RPGRIP1L: variants seen among roughly 807,000 people sequenced by gnomAD.
The protein encoded by RPGRIP1L is RPGRIP1 like, also known as protein fantom.
A neutral mutation model predicts 160.4 loss-of-function variants in RPGRIP1L; 131 were observed. The observed-to-expected ratio is 0.82, with a 90% confidence interval of 0.71 to 0.94. The LOEUF is 0.94. Ranked by LOEUF, RPGRIP1L falls within the 40% of genes least tolerant of loss-of-function variation. The probability of loss-of-function intolerance (pLI) is 0.00; values close to 1 mark genes in which losing one functional copy is unlikely to be tolerated. For missense variants in RPGRIP1L, 1,522 were observed against 1,535.8 expected, an observed-to-expected ratio of 0.99 and a Z score of 0.15; for synonymous variants, 510 against 515.8, an observed-to-expected ratio of 0.99 and a Z score of 0.15.
chr16:53,662,145 T>A (rs1411459711), intron 10 of RPGRIP1L, among the ~76,000 whole-genome samples: 3 of 152,148 alleles, frequency 2.0e-5, no homozygotes, highest in Non-Finnish European at 4.4e-5. Flanking sequence ...TTCACTCTTT[T>A]AAAATTATGT....
At chr16:53,691,934 A>T (rs1411594968) in intron 4 of RPGRIP1L, 132 bp downstream of exon 4, 2 of 832,892 alleles carry the variant, frequency 2.4e-6, no homozygotes, top group Non-Finnish European at 3.9e-6. Flanking sequence ...ATTTTATCAA[A>T]GTAAAAAATT....
chr16:53,612,882 C>T (rs189471902), intron 24 of RPGRIP1L, among the ~76,000 whole-genome samples: 23 of 152,328 alleles, frequency 1.5e-4, no homozygotes, highest in Admixed American at 1.2e-3. Flanking sequence ...AACTGAAACT[C>T]CATACTCATT....
chr16:53,641,458 C>T lies in RPGRIP1L; in HGVS notation c.2701G>A (p.Asp901Asn), dbSNP rs1966218142. 2 of 1,613,476 alleles carry T rather than the reference C, an allele frequency of 1.2e-6. No homozygotes were observed. Among genetic ancestry groups the T allele is most frequent in the Non-Finnish European group, 1.7e-6 (2 of 1,179,560 alleles). The change falls in exon 18 of 27, where the codon GAC becomes AAC. Residue 901 changes from aspartate to asparagine, a missense_variant. Asp to Asn is a conservative substitution (Grantham distance 23, BLOSUM62 1). Coordinates refer to ENST00000647211, the MANE Select transcript of RPGRIP1L (RefSeq NM_015272.5). ...GTGCCAGCAGGATGCTTTTGATGGT[C>T]TGTTAACTCAAATATTCCTGTCAAA... Reference protein sequence around the residue: ...RCISGIFELTDHQKHPAGTIH... With the variant: ...RCISGIFELTNHQKHPAGTIH...
intron 22 of RPGRIP1L, among the ~76,000 whole-genome samples, chr16:53,635,260 G>A (rs1188508901): frequency 1.3e-5 from 2 of 152,086 alleles, no homozygotes; most frequent in Non-Finnish European, 2.9e-5. Context: ...ACATACACAT[G>A]GTTCTATTGC....
At chr16:53,621,509 C>A (rs558292275) in intron 23 of RPGRIP1L, among the ~76,000 whole-genome samples, 1 of 149,530 alleles carries the variant, frequency 6.7e-6, no homozygotes, top group South Asian at 2.1e-4. Context: ...CTGACCAATA[C>A]ACCTGGCAGA....
intron 22 of RPGRIP1L, among the ~76,000 whole-genome samples, chr16:53,625,569 G>A (rs1333243403): frequency 2.7e-5 from 4 of 148,196 alleles, no homozygotes; most frequent in African/African-American, 1.0e-4. Flanking sequence ...GGGGTGGGGG[G>A]GCCCCTCTGC....
chr16:53,638,295 A>T lies in RPGRIP1L; in HGVS notation c.3060+15T>A. ...AAATTAAACCTTCCAAAATAATTTT[A>T]ACACAAATGCATACCTTGGGAACAT... On this transcript the variant is annotated intron_variant, in intron 20 of 26. Coordinates refer to ENST00000647211, the MANE Select transcript of RPGRIP1L (RefSeq NM_015272.5). 1.4e-6 allele frequency: 2 copies of T among 1,415,516 alleles called. No homozygotes were observed. The highest frequency in any genetic ancestry group is 2.0e-6 in the Non-Finnish European group (2 of 999,960). 87.7% of individuals were successfully genotyped at this position (1,415,516 alleles called of 1,614,324 possible).
In RPGRIP1L at chr16:53,605,313, G is replaced by A. The variant is rs565231125; in HGVS notation, c.3835+168C>T. 6 of 713,770 alleles carry A rather than the reference G, an allele frequency of 8.4e-6. No homozygotes were observed. The African/African-American group carries it at 1.0e-4, about 12-fold the overall frequency. 44.2% of individuals were successfully genotyped at this position (713,770 alleles called of 1,614,324 possible). On this transcript the variant is annotated intron_variant, in intron 26 of 26. Transcript: ENST00000647211. ...GAAAGCAGGGGGGAGGACAGGAAAA[G>A]GATATAGGAAGACGCTTCAGCTTCA...
At position 53,649,119 on chromosome 16, in the gene RPGRIP1L, C is replaced by A; in HGVS notation, c.2153-4G>T. 1 of 1,613,250 alleles carries A rather than the reference C, an allele frequency of 6.2e-7. No homozygotes were observed. ...TTTGGGATGTCTCCTTTTGTTCCTA[C>A]AAATCAGTACATAACCCAAGGTTAA... On this transcript the variant is annotated splice_polypyrimidine_tract_variant and splice_region_variant and intron_variant, in intron 15 of 26. Transcript: ENST00000647211.
rs1049813969 is a variant in RPGRIP1L at position 53,599,268 on chromosome 16, T to C, written c.*2808A>G. 4.4e-4 allele frequency: 67 copies of C among 152,216 alleles called. 2 individuals are homozygous for C. The highest frequency in any genetic ancestry group is 3.7e-4 in the Non-Finnish European group (25 of 68,040). 9.4% of individuals were successfully genotyped at this position (152,216 alleles called of 1,614,324 possible). A position where few individuals can be genotyped will look rare whatever the true frequency, so the allele number is the denominator to read the frequency against. On this transcript the variant is annotated 3_prime_UTR_variant, in exon 27 of 27. Transcript: ENST00000647211. ...TGGCCTTTCTTTATTTGATTAAACA[T>C]ATTCTTTATGTATTTTTAAAAAAAC...
At chr16:53,626,268 A>G (rs79043263) in intron 22 of RPGRIP1L, among the ~76,000 whole-genome samples, 2,791 of 152,262 alleles carry the variant, frequency 0.018, 39 homozygotes, top group Non-Finnish European at 0.026. Flanking sequence ...TAAAGAGATG[A>G]ATAATAATTG....
At chr16:53,620,069 T>G (rs1964612071) in intron 23 of RPGRIP1L, among the ~76,000 whole-genome samples, 1 of 152,174 alleles carries the variant, frequency 6.6e-6, no homozygotes, top group Admixed American at 6.5e-5. Flanking sequence ...TTTACTAAAT[T>G]CAGAGACATG....
At chr16:53,685,965 C>T (rs1409295415) in intron 6 of RPGRIP1L, among the ~76,000 whole-genome samples, 1 of 152,212 alleles carries the variant, frequency 6.6e-6, no homozygotes, top group Non-Finnish European at 1.5e-5. Context: ...TCACAGCCAA[C>T]AGATTGCAAT....
At chr16:53,692,483 G>A in intron 3 of RPGRIP1L, 119 bp from the exon 4 acceptor site, 2 of 963,678 alleles carry the variant, frequency 2.1e-6, no homozygotes, top group Non-Finnish European at 3.3e-6. Context: ...TAAATTTCAG[G>A]TTTTGATGTA....
In RPGRIP1L at chr16:53,686,722, A is replaced by G. The variant is rs536066401; in HGVS notation, c.633-146T>C. On this transcript the variant is annotated intron_variant, in intron 5 of 26. Transcript: ENST00000647211. ...GTGCCTCTGCACACAGTGAAATAGTAGCAGATTAAATGTGATGACTTGGAA... is the reference window on the plus strand; with the variant it reads ...GTGCCTCTGCACACAGTGAAATAGTGGCAGATTAAATGTGATGACTTGGAA... 95 of 708,632 alleles carry G rather than the reference A, an allele frequency of 1.3e-4. 2 individuals carry two copies. In the East Asian group the frequency reaches 2.5e-3, roughly 18 times the overall value. 43.9% of individuals were successfully genotyped at this position (708,632 alleles called of 1,614,324 possible). A position where few individuals can be genotyped will look rare whatever the true frequency, so the allele number is the denominator to read the frequency against.
chr16:53,613,194 T>C (rs763293560), intron 24 of RPGRIP1L, among the ~76,000 whole-genome samples: 2 of 152,394 alleles, frequency 1.3e-5, no homozygotes, highest in South Asian at 4.1e-4. Flanking sequence ...TTGACTATTA[T>C]GGATAATGCT....
At chr16:53,675,151 G>C (rs751043948) in intron 6 of RPGRIP1L, 29 bp from the exon 7 acceptor site, 9 of 1,518,424 alleles carry the variant, frequency 5.9e-6, no homozygotes, top group African/African-American at 1.4e-5. Context: ...GAAAAAGAGA[G>C]ACAGAAGTAA....
At chr16:53,676,117 C>T (rs1169264873) in intron 6 of RPGRIP1L, among the ~76,000 whole-genome samples, 1 of 152,034 alleles carries the variant, frequency 6.6e-6, no homozygotes, top group African/African-American at 2.4e-5. Context: ...AAATGGACTA[C>T]AAAGCTCACA....
chr16:53,696,978 G>A (rs7203804), intron 2 of RPGRIP1L, among the ~76,000 whole-genome samples: 9,706 of 152,172 alleles, frequency 0.064, 884 homozygotes, highest in African/African-American at 0.2. Flanking sequence ...TGGATCACCT[G>A]AGGTCGGGAG....
Sources: gnomAD v4.1 joint callset for allele counts (sites outside exome capture counted in the v4.1 genomes callset) on GRCh38, gnomAD v4.1.1 for gene constraint, MANE v1.5 for transcripts, NCBI Gene and HGNC (gene_info 2026-07-23, HGNC 2026-07-21) for gene names.